The following ZNF292 variants were observed in gnomAD, a reference collection of about 807,000 sequenced individuals.
ZNF292 encodes 16 zinc-finger domain protein.
Under a neutral mutation model 217.9 loss-of-function variants are expected in ZNF292, and 26 were observed. That is an observed-to-expected ratio of 0.12 (90% CI 0.09 to 0.17). The LOEUF (loss-of-function observed/expected upper bound fraction) is 0.17. ZNF292 is among the 10% of genes least tolerant of loss of function. The probability of loss-of-function intolerance (pLI) is 1.00; values close to 1 mark genes in which losing one functional copy is unlikely to be tolerated. For missense variants in ZNF292, 2,904 were observed against 3,175.2 expected (o/e 0.91, Z 2.05); for synonymous variants, 1,257 against 1,124.1 (o/e 1.12, Z -2.37).
In ZNF292 at chr6:87,265,089, TTCTCTC is replaced by T. The variant is rs72098361; in HGVS notation, c.*3302_*3307del. 7.7e-4 allele frequency among the ~76,000 whole-genome samples: 117 copies of T among 151,426 alleles called. 2 individuals are homozygous for T. Among genetic ancestry groups the T allele is most frequent in the African/African-American group, 2.6e-3 (108 of 41,250 alleles). ...AAGTTTTCTAAATTGTGTGCTGTAG[TTCTCTC>T]TCTCTCTCTCTCTTTTTTTTTCTTT... On this transcript the variant is annotated 3_prime_UTR_variant, in exon 8 of 8. Transcript: ENST00000369577.
At chr6:87,254,091 G>A (rs1223554856) in intron 7 of ZNF292, among the ~76,000 whole-genome samples, 1 of 152,164 alleles carries the variant, frequency 6.6e-6, no homozygotes, top group Admixed American at 6.5e-5. Context: ...TTAGGGATTA[G>A]TACCTTATTT....
chr6:87,160,129 A>G (rs1269305139), intron 1 of ZNF292, among the ~76,000 whole-genome samples: 1 of 152,224 alleles, frequency 6.6e-6, no homozygotes, highest in Non-Finnish European at 1.5e-5. Flanking sequence ...CAAAGAGTTT[A>G]TAGTCTCTGG....
At chr6:87,200,276 A>G (rs567004980) in intron 1 of ZNF292, among the ~76,000 whole-genome samples, 1 of 152,342 alleles carries the variant, frequency 6.6e-6, no homozygotes, top group East Asian at 1.9e-4. Context: ...TACAGATCAA[A>G]CAGACATACT....
At chr6:87,187,647 G>A (rs9450629) in intron 1 of ZNF292, among the ~76,000 whole-genome samples, 38,411 of 149,530 alleles carry the variant, frequency 0.26, 5,526 homozygotes, top group South Asian at 0.38. Context: ...CCCAGGTGGC[G>A]GAGGTTGCAG....
rs537557931 is a variant in ZNF292, at chr6:87,252,147, T to G, written c.1021-2503T>G. Among the ~76,000 whole-genome samples the G allele has an allele frequency of 4.3e-4, 65 of 152,014 alleles. 1 individual carries two copies. Among genetic ancestry groups the G allele is most frequent in the African/African-American group, 1.4e-3 (59 of 41,418 alleles). On this transcript the variant is annotated intron_variant, in intron 7 of 7. Transcript: ENST00000369577. ...CCTTTCTGTTTGTTGTTTGTTTTTT[T>G]TTTGTTTTTTGTGTTTTTTTTGAGA...
At chr6:87,204,049 C>G (rs960148372) in intron 1 of ZNF292, among the ~76,000 whole-genome samples, 1 of 152,152 alleles carries the variant, frequency 6.6e-6, no homozygotes. Flanking sequence ...CTGTGCTGTT[C>G]TCACTAAAAA....
At chr6:87,188,583 T>A (rs1222805897) in intron 1 of ZNF292, among the ~76,000 whole-genome samples, 1 of 152,084 alleles carries the variant, frequency 6.6e-6, no homozygotes, top group Non-Finnish European at 1.5e-5. Flanking sequence ...TAACACTAAT[T>A]TGTAACCATG....
intron 1 of ZNF292, among the ~76,000 whole-genome samples, chr6:87,208,445 A>T (rs908877074): frequency 6.6e-6 from 1 of 151,766 alleles, no homozygotes; most frequent in African/African-American, 2.4e-5. Flanking sequence ...CCTATCCATA[A>T]TTTTTATTAG....
Position 87,263,889 on chromosome 6 carries a change from A to G in ZNF292, c.*2088A>G, listed in dbSNP as rs904885840. 1.3e-5 allele frequency: 2 copies of G among 152,148 alleles called. No homozygotes were observed. Among genetic ancestry groups the G allele is most frequent in the African/African-American group, 4.8e-5 (2 of 41,436 alleles). 9.4% of individuals were successfully genotyped at this position (152,148 alleles called of 1,614,324 possible). On this transcript the variant is annotated 3_prime_UTR_variant, in exon 8 of 8. Transcript: ENST00000369577. The stretch of plus-strand genomic sequence containing the variant: ...TTTCTGATCATTGTAACTATGAGCC[A>G]CTGTTAAGTGAAAATGCCAATGTAT...
At position 87,256,658 on chromosome 6, in the gene ZNF292, C is replaced by G; in HGVS notation, c.3029C>G (p.Thr1010Ser). The G allele has an allele frequency of 6.2e-7, 1 of 1,613,514 alleles. No individual in the cohort carries two copies. Among genetic ancestry groups the G allele is most frequent in the Non-Finnish European group, 8.5e-7 (1 of 1,179,822 alleles). ...VTQNSLVNSE[T>S]LKIGDLTPQN... ...CAGAATTCTTTAGTAAATTCAGAAA[C>G]TCTCAAAATAGGTGACCTTACCCCA... is the stretch of plus-strand genomic sequence containing the variant. The change falls in exon 8 of 8, where the codon ACT (threonine) becomes AGT (serine). Residue 1010 changes from threonine (T) to serine (S), a missense_variant. Transcript: ENST00000369577.
At chr6:87,190,640 A>G (rs1562130814) in intron 1 of ZNF292, among the ~76,000 whole-genome samples, 1 of 151,966 alleles carries the variant, frequency 6.6e-6, no homozygotes, top group African/African-American at 2.4e-5. Context: ...CACCCAGCTA[A>G]TTTTTGTATT....
chr6:87,172,640 T>C (rs1375196584), intron 1 of ZNF292, among the ~76,000 whole-genome samples: 2 of 152,144 alleles, frequency 1.3e-5, no homozygotes, highest in Non-Finnish European at 2.9e-5. Context: ...GCATGGTGGC[T>C]CATACCTGTA....
At chr6:87,193,589 A>G (rs1018244969) in intron 1 of ZNF292, among the ~76,000 whole-genome samples, 5 of 151,920 alleles carry the variant, frequency 3.3e-5, no homozygotes, top group African/African-American at 1.2e-4. Flanking sequence ...CAGTGTCCCC[A>G]AGGGAAAAAA....
chr6:87,251,029 A>G (rs1031746620), intron 7 of ZNF292, among the ~76,000 whole-genome samples: 1 of 152,176 alleles, frequency 6.6e-6, no homozygotes, highest in African/African-American at 2.4e-5. Flanking sequence ...CCACTTGTCT[A>G]TTTTCGTTAC....
chr6:87,169,092 C>T (rs1323550198), intron 1 of ZNF292, among the ~76,000 whole-genome samples: 1 of 151,754 alleles, frequency 6.6e-6, no homozygotes, highest in Non-Finnish European at 1.5e-5. Context: ...GCCCCAGCTG[C>T]AGTGCAGTGG....
chr6:87,212,266 G>T (rs1772521730), intron 1 of ZNF292, among the ~76,000 whole-genome samples: 1 of 152,212 alleles, frequency 6.6e-6, no homozygotes, highest in Admixed American at 6.5e-5. Flanking sequence ...CCCAGCACAT[G>T]GATGTGTTTT....
chr6:87,178,870 C>T (rs1424491423), intron 1 of ZNF292, among the ~76,000 whole-genome samples: 1 of 152,108 alleles, frequency 6.6e-6, no homozygotes. Context: ...TCTTTTGAAA[C>T]TAAGTTTCAG....
At chr6:87,184,665 G>A (rs1582393046) in intron 1 of ZNF292, among the ~76,000 whole-genome samples, 1 of 152,208 alleles carries the variant, frequency 6.6e-6, no homozygotes, top group Non-Finnish European at 1.5e-5. Flanking sequence ...AAGAGATTCT[G>A]GTGGCTGAGG....
intron 1 of ZNF292, among the ~76,000 whole-genome samples, chr6:87,160,481 T>TTATG (rs1423989711): frequency 1.0e-5 from 1 of 99,902 alleles, no homozygotes; most frequent in African/African-American, 5.2e-5. Flanking sequence ...GTACATGTGT[T>TTATG]TGTATATATA....
Sources: gnomAD v4.1 joint callset for allele counts (sites outside exome capture counted in the v4.1 genomes callset) on GRCh38, gnomAD v4.1.1 for gene constraint, MANE v1.5 for transcripts, NCBI Gene and HGNC (gene_info 2026-07-23, HGNC 2026-07-21) for gene names.